The following CNTRL variants were observed in gnomAD, a reference collection of about 807,000 sequenced individuals.
CNTRL encodes 110 kDa centrosomal protein.
In CNTRL, 233 loss-of-function variants were observed where a neutral mutation model predicts 303.7. The ratio of observed to expected loss-of-function variants is 0.77; its 90% confidence interval spans 0.69 to 0.86. The LOEUF is 0.86. CNTRL is among the 40% of genes least tolerant of loss of function. The pLI is 0.00. For synonymous variants in CNTRL, 900 were observed against 922.2 expected (o/e 0.98, Z 0.44); for missense variants, 2,524 against 2,650.6 (o/e 0.95, Z 1.05).
At chr9:121,117,516 C>G (rs901038755) in intron 11 of CNTRL, among the ~76,000 whole-genome samples, 3 of 152,160 alleles carry the variant, frequency 2.0e-5, no homozygotes, top group African/African-American at 7.2e-5. Flanking sequence ...AATTAGGTAA[C>G]TGTAGCGTAG....
rs1032478605 is a variant in CNTRL at position 121,080,293 on chromosome 9, G to C, written c.-204-13G>C. 1.3e-5 allele frequency: 2 copies of C among 152,140 alleles called. No individual in the cohort carries two copies. Among genetic ancestry groups the C allele is most frequent in the African/African-American group, 4.8e-5 (2 of 41,426 alleles). The allele number at this position is 152,140 out of a possible 1,614,324, so 9.4% of individuals were successfully genotyped here. A position where few individuals can be genotyped will look rare whatever the true frequency, so the allele number is the denominator to read the frequency against. ...AGCTTATCACAACATATATTTGTCTGTCTGTTTTTTAGAGACAGGGGCTCC... is the reference window on the plus strand; with the variant it reads ...AGCTTATCACAACATATATTTGTCTCTCTGTTTTTTAGAGACAGGGGCTCC... On this transcript the variant is annotated splice_polypyrimidine_tract_variant and intron_variant, in intron 1 of 43. Transcript: ENST00000373855.
At chr9:121,125,243 C>T (rs1354989068) in intron 13 of CNTRL, among the ~76,000 whole-genome samples, 1 of 151,670 alleles carries the variant, frequency 6.6e-6, no homozygotes, top group Non-Finnish European at 1.5e-5. Flanking sequence ...TCTTGGCTCA[C>T]TGCAACCTCT....
chr9:121,169,853 G>A, intron 39 of CNTRL, 37 bp downstream of exon 39: 2 of 1,578,788 alleles, frequency 1.3e-6, no homozygotes, highest in African/African-American at 2.7e-5. Context: ...GTGAGGAAAT[G>A]ATAAATTTAA....
intron 9 of CNTRL, among the ~76,000 whole-genome samples, chr9:121,113,210 C>A (rs1355330413): frequency 2.0e-5 from 3 of 152,244 alleles, no homozygotes; most frequent in Non-Finnish European, 4.4e-5. Flanking sequence ...AGAGATCAAG[C>A]AGTGCTAAAA....
At chr9:121,147,707 G>A (rs1052823460) in intron 23 of CNTRL, among the ~76,000 whole-genome samples, 4 of 152,262 alleles carry the variant, frequency 2.6e-5, no homozygotes, top group East Asian at 3.9e-4. Context: ...AGAATCAGCC[G>A]ATGAGCAATA....
chr9:121,129,727 A>G (rs1282999805), intron 14 of CNTRL, among the ~76,000 whole-genome samples: 4 of 152,182 alleles, frequency 2.6e-5, no homozygotes, highest in African/African-American at 9.7e-5. Context: ...TTCAAAGGGA[A>G]TGCTTCCAGT....
chr9:121,087,913 G>A (rs1364497968), intron 2 of CNTRL, among the ~76,000 whole-genome samples: 1 of 152,168 alleles, frequency 6.6e-6, no homozygotes, highest in African/African-American at 2.4e-5. Context: ...AGAAACCAAA[G>A]GAAGAAACTT....
chr9:121,129,413 G>C (rs1230490284), intron 14 of CNTRL, among the ~76,000 whole-genome samples: 3 of 152,298 alleles, frequency 2.0e-5, no homozygotes, highest in Middle Eastern at 6.8e-3. Context: ...GTGAATGGGA[G>C]TTCACTCACG....
At position 121,169,697 on chromosome 9, in the gene CNTRL, GCAGACTT is replaced by G; in HGVS notation, c.6161_6167del (p.Asp2054AlafsTer8). 1 of 1,614,168 alleles carries G rather than the reference GCAGACTT, an allele frequency of 6.2e-7. No individual in the cohort carries two copies. The highest frequency in any genetic ancestry group is 1.7e-5 in the Admixed American group (1 of 60,024). ...CCAGAAAGAGGCAGATTCTATGAGG[GCAGACTT>G]CAGCCTTCTGCGGAACCAGTTCTTG... On this transcript the variant is annotated frameshift_variant, in exon 39 of 44. Transcript: ENST00000373855. LOFTEE classifies it high-confidence loss of function.
chr9:121,123,996 A>T lies in CNTRL; in HGVS notation c.1716A>T (p.Gln572His). Residue 572 changes from glutamine to histidine, a missense_variant, in exon 13 of 44, where the codon CAA becomes CAT. Physicochemically the swap from Gln to His is conservative, Grantham distance 24. Coordinates refer to ENST00000373855, the MANE Select transcript of CNTRL (RefSeq NM_007018.6). ...QQLDIMNKQY[Q>H]QLESRLDEIL... is the part of the protein sequence containing the mutation. Reference sequence around the variant, plus strand: ...TTGACATTATGAACAAGCAGTACCAACAACTTGAAAGTCGTTTGGATGAGA... The same window carrying T: ...TTGACATTATGAACAAGCAGTACCATCAACTTGAAAGTCGTTTGGATGAGA... The T allele has an allele frequency of 6.2e-7, 1 of 1,613,484 alleles. No homozygotes were observed. Among genetic ancestry groups the T allele is most frequent in the Non-Finnish European group, 8.5e-7 (1 of 1,179,698 alleles).
intron 36 of CNTRL, among the ~76,000 whole-genome samples, 183 bp from the exon 37 acceptor site, chr9:121,167,306 C>CA (rs34581990): frequency 0.57 from 84,351 of 148,892 alleles, 23,837 homozygotes; most frequent in East Asian, 0.77. Context: ...GCAAGACTGT[C>CA]AAAAAAAAAA....
intron 2 of CNTRL, among the ~76,000 whole-genome samples, chr9:121,081,630 T>G (rs2048144781): frequency 6.6e-6 from 1 of 152,238 alleles, no homozygotes; most frequent in Non-Finnish European, 1.5e-5. Context: ...TTCCCATTTA[T>G]TATAAAGGAT....
intron 38 of CNTRL, 116 bp from the exon 39 acceptor site, chr9:121,169,495 G>GAA: frequency 1.0e-6 from 1 of 995,410 alleles, no homozygotes; most frequent in Non-Finnish European, 1.5e-6. Context: ...TGTAATGGAG[G>GAA]AAAGCACCTG....
At chr9:121,134,804 C>G (rs935947147) in intron 14 of CNTRL, among the ~76,000 whole-genome samples, 6 of 152,180 alleles carry the variant, frequency 3.9e-5, no homozygotes, top group Non-Finnish European at 5.9e-5. Context: ...GCATTTTCCC[C>G]TGGTTACTGG....
At chr9:121,086,728 C>A (rs1564188671) in intron 2 of CNTRL, among the ~76,000 whole-genome samples, 1 of 150,334 alleles carries the variant, frequency 6.7e-6, no homozygotes, top group Non-Finnish European at 1.5e-5. Flanking sequence ...GCAGCTTCTG[C>A]CTCCTGGGTT....
At chr9:121,155,089 T>C (rs1355467105) in intron 27 of CNTRL, 176 bp downstream of exon 27, 9 of 607,568 alleles carry the variant, frequency 1.5e-5, no homozygotes, top group Admixed American at 2.9e-5. Context: ...GCAAGTCATA[T>C]AAGTCCCCTG....
intron 7 of CNTRL, among the ~76,000 whole-genome samples, chr9:121,101,832 C>A (rs1318292576): frequency 6.6e-6 from 1 of 152,000 alleles, no homozygotes; most frequent in African/African-American, 2.4e-5. Flanking sequence ...ACACATACAC[C>A]CTCCCAAGAC....
At chr9:121,120,296 C>G (rs2050170424) in intron 12 of CNTRL, among the ~76,000 whole-genome samples, 1 of 151,890 alleles carries the variant, frequency 6.6e-6, no homozygotes, top group Non-Finnish European at 1.5e-5. Flanking sequence ...TAAAGGATAA[C>G]CTTATGACAG....
At chr9:121,158,399 G>A (rs2052687096) in intron 30 of CNTRL, among the ~76,000 whole-genome samples, 1 of 151,676 alleles carries the variant, frequency 6.6e-6, no homozygotes, top group South Asian at 2.1e-4. Context: ...TGATAAGGGG[G>A]GATTTTGAGT....
Sources: allele counts gnomAD v4.1 joint callset (sites outside exome capture counted in the v4.1 genomes callset), GRCh38; gene constraint gnomAD v4.1.1; transcripts MANE v1.5; gene names NCBI Gene and HGNC (gene_info 2026-07-23, HGNC 2026-07-21).